The following RORA variants were observed in gnomAD, a reference collection of about 807,000 sequenced individuals.
RORA encodes the protein RAR related orphan receptor A.
A neutral mutation model predicts 69.5 loss-of-function variants in RORA; 7 were observed. That is an observed-to-expected ratio of 0.10 (90% CI 0.06 to 0.19). The LOEUF is 0.19. RORA is among the 10% of genes least tolerant of loss of function. The pLI, the probability that RORA is intolerant of heterozygous loss-of-function variation, is 1.00. For missense variants in RORA, 457 were observed against 663.0 expected (o/e 0.69, Z 3.41); for synonymous variants, 261 against 240.8 (o/e 1.08, Z -0.78).
At chr15:60,863,166 T>C (rs1004126037) in intron 1 of RORA, among the ~76,000 whole-genome samples, 2 of 152,194 alleles carry the variant, frequency 1.3e-5, no homozygotes, top group African/African-American at 4.8e-5. Flanking sequence ...GTTGAGATAA[T>C]TGAGATTCAG....
chr15:60,615,143 G>A (rs527248070), intron 2 of RORA: 15 of 1,321,548 alleles, frequency 1.1e-5, no homozygotes, highest in South Asian at 1.5e-5. Context: ...ATGCTCTCTC[G>A]TGTTTCCTCA....
intron 2 of RORA, among the ~76,000 whole-genome samples, chr15:60,641,372 C>T (rs2069941869): frequency 6.6e-6 from 1 of 152,112 alleles, no homozygotes; most frequent in South Asian, 2.1e-4. Flanking sequence ...AAATATCGTC[C>T]TGAAAGTTGG....
chr15:61,157,161 C>T (rs192324409), intron 1 of RORA, among the ~76,000 whole-genome samples: 1 of 152,222 alleles, frequency 6.6e-6, no homozygotes, highest in Non-Finnish European at 1.5e-5. Flanking sequence ...AAAGAATGAC[C>T]AAAACCAAGT....
intron 2 of RORA, among the ~76,000 whole-genome samples, chr15:60,646,298 T>G (rs1182887501): frequency 6.6e-6 from 1 of 152,236 alleles, no homozygotes; most frequent in African/African-American, 2.4e-5. Context: ...CTTTTCAGAT[T>G]CTATTTAAAT....
At chr15:60,962,833 C>G (rs532197981) in intron 1 of RORA, among the ~76,000 whole-genome samples, 56 of 152,226 alleles carry the variant, frequency 3.7e-4, no homozygotes, top group African/African-American at 1.3e-3. Flanking sequence ...GAATTGGTAG[C>G]AAGAGATAAA....
chr15:61,057,739 C>G (rs568853569), intron 1 of RORA, among the ~76,000 whole-genome samples: 1 of 152,122 alleles, frequency 6.6e-6, no homozygotes, highest in Non-Finnish European at 1.5e-5. Context: ...TTGTACAGGG[C>G]CACCATCAAG....
chr15:60,882,444 G>C (rs1488820706), intron 1 of RORA, among the ~76,000 whole-genome samples: 1 of 152,070 alleles, frequency 6.6e-6, no homozygotes, highest in Non-Finnish European at 1.5e-5. Flanking sequence ...GAGAAACTCT[G>C]GCCTAAGTGG....
intron 1 of RORA, among the ~76,000 whole-genome samples, chr15:60,979,751 C>T (rs983329718): frequency 4.0e-5 from 6 of 151,482 alleles, no homozygotes; most frequent in South Asian, 2.1e-4. Context: ...TGTGTGTGCA[C>T]GTGTGTGTTT....
At position 60,794,294 on chromosome 15, in the gene RORA, G is replaced by A. The variant is rs1673300; in HGVS notation, c.167-115608C>T. On this transcript the variant is annotated intron_variant, in intron 1 of 10. Coordinates refer to ENST00000335670, the MANE Select transcript of RORA (RefSeq NM_134261.3). The stretch of plus-strand genomic sequence containing the variant: ...AGGCTGAATAATCTGCTGTTTCACC[G>A]CGTTCTTGAGAAACCTTTTCTCCCT... Among the ~76,000 whole-genome samples, 290 of 152,250 alleles carry A rather than the reference G, an allele frequency of 1.9e-3. 1 individual carries two copies. The highest frequency in any genetic ancestry group is 3.7e-3 in the Admixed American group (56 of 15,294).
intron 1 of RORA, among the ~76,000 whole-genome samples, chr15:60,781,607 G>C (rs2072257653): frequency 6.6e-6 from 1 of 151,826 alleles, no homozygotes; most frequent in African/African-American, 2.4e-5. Context: ...ACAGTTCAGT[G>C]AGCCGAGTGC....
intron 1 of RORA, among the ~76,000 whole-genome samples, chr15:61,050,910 GA>G (rs1897262525): frequency 6.6e-6 from 1 of 152,204 alleles, no homozygotes; most frequent in Admixed American, 6.5e-5. Flanking sequence ...TGGTGAACAA[GA>G]GCCAAAACAA....
At chr15:61,175,646 G>A (rs1348754747) in intron 1 of RORA, among the ~76,000 whole-genome samples, 1 of 151,696 alleles carries the variant, frequency 6.6e-6, no homozygotes, top group African/African-American at 2.4e-5. Flanking sequence ...GAGCCCGGGA[G>A]GTTGAGGCTG....
chr15:60,881,419 T>A (rs888869921), intron 1 of RORA, among the ~76,000 whole-genome samples: 2 of 152,206 alleles, frequency 1.3e-5, no homozygotes, highest in Non-Finnish European at 2.9e-5. Flanking sequence ...TATTCAACTG[T>A]CCTGAAGTCT....
chr15:61,166,841 G>A (rs114317146), intron 1 of RORA, among the ~76,000 whole-genome samples: 615 of 152,134 alleles, frequency 4.0e-3, no homozygotes, highest in African/African-American at 0.014. Flanking sequence ...GCTTGCCAGT[G>A]GCCAGCATGG....
chr15:60,970,114 C>G (rs767186764), intron 1 of RORA, among the ~76,000 whole-genome samples: 2 of 152,154 alleles, frequency 1.3e-5, no homozygotes, highest in Non-Finnish European at 2.9e-5. Context: ...CAGAATGAAA[C>G]CTACCTTGCT....
chr15:60,522,327 A>T (rs752081871), intron 3 of RORA, among the ~76,000 whole-genome samples: 53 of 152,172 alleles, frequency 3.5e-4, no homozygotes, highest in African/African-American at 1.1e-3. Context: ...TGGCTTGAAA[A>T]TGGCCATTGG....
intron 1 of RORA, among the ~76,000 whole-genome samples, chr15:61,193,365 GAGA>G (rs900612764): frequency 2.6e-5 from 4 of 152,216 alleles, no homozygotes; most frequent in Non-Finnish European, 5.9e-5. Flanking sequence ...CTGCAGGGTG[GAGA>G]AGGAGGTGTC....
chr15:61,109,583 A>C (rs555683703), intron 1 of RORA, among the ~76,000 whole-genome samples: 1 of 152,358 alleles, frequency 6.6e-6, no homozygotes, highest in East Asian at 1.9e-4. Context: ...AACCTGATTA[A>C]ATAGTAAGCA....
At chr15:61,221,004 C>T (rs1275690854) in intron 1 of RORA, among the ~76,000 whole-genome samples, 1 of 152,174 alleles carries the variant, frequency 6.6e-6, no homozygotes, top group Non-Finnish European at 1.5e-5. Flanking sequence ...TCCTTCTTAT[C>T]TTTCCCCCAA....
Sources: allele counts gnomAD v4.1 joint callset (sites outside exome capture counted in the v4.1 genomes callset), GRCh38; gene constraint gnomAD v4.1.1; transcripts MANE v1.5; gene names NCBI Gene and HGNC (gene_info 2026-07-23, HGNC 2026-07-21).